Variants in OR51B5 observed in about 807,000 individuals in gnomAD.
The protein encoded by OR51B5 is olfactory receptor 51B5.
For synonymous variants in OR51B5, 186 were observed against 144.8 expected, an observed-to-expected ratio of 1.28 and a Z score of -2.04; for missense variants, 456 against 374.6, an observed-to-expected ratio of 1.22 and a Z score of -1.79.
intron 1 of OR51B5, among the ~76,000 whole-genome samples, chr11:5,360,477 A>C (rs1849266271): frequency 6.6e-6 from 1 of 150,964 alleles, no homozygotes; most frequent in Admixed American, 6.6e-5. Context: ...CGATCATTAA[A>C]AAGTCAGGAA....
chr11:5,351,788 C>T (rs759686202), intron 1 of OR51B5: 4 of 1,613,954 alleles, frequency 2.5e-6, no homozygotes, highest in African/African-American at 1.3e-5. Flanking sequence ...GGCCATGGAG[C>T]CTGCTTCTCT....
chr11:5,433,862 T>G (rs535082273), intron 1 of OR51B5, among the ~76,000 whole-genome samples: 2 of 151,964 alleles, frequency 1.3e-5, no homozygotes, highest in South Asian at 4.2e-4. Flanking sequence ...ACTATGACTA[T>G]GGAGACAAGA....
chr11:5,342,124 T>A (rs570272471), downstream of OR51B5, among the ~76,000 whole-genome samples: 3 of 152,176 alleles, frequency 2.0e-5, no homozygotes, highest in South Asian at 6.2e-4. Context: ...TGACCAAATT[T>A]ATAGGTTCCC....
chr11:5,420,252 TAAG>T (rs1850310679), intron 1 of OR51B5, among the ~76,000 whole-genome samples: 1 of 152,158 alleles, frequency 6.6e-6, no homozygotes, highest in Non-Finnish European at 1.5e-5. Context: ...AAATTACACT[TAAG>T]AAAGTATGAA....
At chr11:5,444,664 G>A (rs919936865) in intron 1 of OR51B5, among the ~76,000 whole-genome samples, 2 of 152,142 alleles carry the variant, frequency 1.3e-5, no homozygotes, top group Non-Finnish European at 2.9e-5. Flanking sequence ...GGTACAGCTG[G>A]CAGTGGCATC....
chr11:5,352,281 T>G (rs759300054), intron 1 of OR51B5: 1 of 1,614,242 alleles, frequency 6.2e-7, no homozygotes, highest in Non-Finnish European at 8.5e-7. Context: ...GTCTGACATT[T>G]ATTCATAGGT....
chr11:5,444,546 T>A (rs956980420), intron 1 of OR51B5, among the ~76,000 whole-genome samples: 1 of 152,140 alleles, frequency 6.6e-6, no homozygotes, highest in African/African-American at 2.4e-5. Context: ...GCAAAAGTGT[T>A]AAAATTTAGA....
At chr11:5,494,918 G>A (rs1208496303) in intron 1 of OR51B5, among the ~76,000 whole-genome samples, 2 of 152,194 alleles carry the variant, frequency 1.3e-5, no homozygotes, top group African/African-American at 4.8e-5. Flanking sequence ...AAGGTTCAGG[G>A]ACATTTTTAA....
intron 1 of OR51B5, among the ~76,000 whole-genome samples, chr11:5,411,255 A>G (rs922666949): frequency 1.3e-5 from 2 of 152,186 alleles, no homozygotes; most frequent in Non-Finnish European, 2.9e-5. Context: ...ATGTTTAGAT[A>G]TGTTTAGATA....
chr11:5,419,126 G>A (rs545667904), intron 1 of OR51B5, among the ~76,000 whole-genome samples: 2 of 152,228 alleles, frequency 1.3e-5, no homozygotes, highest in South Asian at 2.1e-4. Flanking sequence ...TTGAAATGAT[G>A]TAAGATTTCT....
At chr11:5,371,082 C>A (rs530791656) in intron 1 of OR51B5, among the ~76,000 whole-genome samples, 5 of 152,140 alleles carry the variant, frequency 3.3e-5, no homozygotes, top group African/African-American at 1.2e-4. Flanking sequence ...GATTTTGAAC[C>A]CTTCCTTCTG....
intron 1 of OR51B5, among the ~76,000 whole-genome samples, chr11:5,465,323 G>A (rs1013618324): frequency 6.7e-6 from 1 of 148,530 alleles, no homozygotes; most frequent in African/African-American, 2.5e-5. Context: ...ATATCTCATT[G>A]TGGTTTTGAT....
intron 1 of OR51B5, among the ~76,000 whole-genome samples, chr11:5,374,478 T>C (rs1450855854): frequency 6.6e-6 from 1 of 152,146 alleles, no homozygotes; most frequent in African/African-American, 2.4e-5. Context: ...CAAAGCTGGA[T>C]GGAGAATGAC....
At chr11:5,360,432 C>T (rs1310823175) in intron 1 of OR51B5, among the ~76,000 whole-genome samples, 3 of 151,128 alleles carry the variant, frequency 2.0e-5, no homozygotes, top group Non-Finnish European at 4.4e-5. Flanking sequence ...AAATCAAAAC[C>T]ACAGTGAGAT....
chr11:5,458,108 G>C (rs1018414186), intron 1 of OR51B5, among the ~76,000 whole-genome samples: 1 of 151,990 alleles, frequency 6.6e-6, no homozygotes, highest in Non-Finnish European at 1.5e-5. Flanking sequence ...ATAATATTAT[G>C]CTTAAGTTTT....
intron 1 of OR51B5, among the ~76,000 whole-genome samples, chr11:5,459,118 G>A (rs894557252): frequency 1.3e-5 from 2 of 152,108 alleles, no homozygotes; most frequent in Non-Finnish European, 2.9e-5. Flanking sequence ...TTATTTTGAG[G>A]TATAATCCTT....
At chr11:5,453,742 T>C (rs765845929) in intron 1 of OR51B5, 1 of 1,614,220 alleles carries the variant, frequency 6.2e-7, no homozygotes, top group Non-Finnish European at 8.5e-7. Flanking sequence ...CTCCGAACCT[T>C]CTGCCTCAAT....
In OR51B5 at chr11:5,471,366, A is replaced by C. The variant is rs555753369; in HGVS notation, n.84+34203T>G. Among the ~76,000 whole-genome samples, 25 of 152,260 alleles carry C rather than the reference A, an allele frequency of 1.6e-4. 1 individual carries two copies. The South Asian group carries it at 5.2e-3, about 32-fold the overall frequency. The stretch of plus-strand genomic sequence containing the variant: ...AATATTGATCAAATAGGCCAGGTAC[A>C]GTGGCTCATACCTGTAATCCCAGCA... On this transcript the variant is annotated intron_variant and non_coding_transcript_variant, in intron 1 of 4. Coordinates refer to the OR51B5 transcript ENST00000415970.
intron 1 of OR51B5, among the ~76,000 whole-genome samples, chr11:5,357,001 G>C (rs572319552): frequency 1.3e-5 from 2 of 152,026 alleles, no homozygotes; most frequent in South Asian, 4.2e-4. Context: ...AGGCACAACC[G>C]GTACCAGCCA....
Sources: gnomAD v4.1 joint callset for allele counts (sites outside exome capture counted in the v4.1 genomes callset) on GRCh38, gnomAD v4.1.1 for gene constraint, MANE v1.5 for transcripts, NCBI Gene and HGNC (gene_info 2026-07-23, HGNC 2026-07-21) for gene names.